The following PRKN variants were observed in gnomAD, a reference collection of about 807,000 sequenced individuals.
PRKN encodes the protein E3 ubiquitin-protein ligase parkin.
PRKN carries 56 observed loss-of-function variants against 59.5 expected under a neutral mutation model. The observed-to-expected ratio is 0.94, with a 90% CI of 0.76 to 1.18. The LOEUF is 1.18. Among genes scored for constraint, PRKN ranks in the 50% most tolerant of loss-of-function variants. PRKN has a pLI of 0.00. For missense variants in PRKN, 657 were observed against 596.4 expected, an observed-to-expected ratio of 1.10 and a Z score of -1.06; for synonymous variants, 250 against 222.1, an observed-to-expected ratio of 1.13 and a Z score of -1.12.
At chr6:162,095,870 T>C (rs562293137) in intron 4 of PRKN, among the ~76,000 whole-genome samples, 11 of 152,174 alleles carry the variant, frequency 7.2e-5, no homozygotes, top group Non-Finnish European at 1.2e-4. Flanking sequence ...ATCTGTAAAA[T>C]AAGGACAGCG....
chr6:161,707,675 T>C (rs1288415217), intron 7 of PRKN, among the ~76,000 whole-genome samples: 1 of 152,128 alleles, frequency 6.6e-6, no homozygotes. Flanking sequence ...ATGCTTCAAC[T>C]ATATATTCAA....
At chr6:161,595,687 C>T (rs1004018013) in intron 7 of PRKN, among the ~76,000 whole-genome samples, 4 of 152,120 alleles carry the variant, frequency 2.6e-5, no homozygotes, top group African/African-American at 7.2e-5. Flanking sequence ...GTGAGGTCAG[C>T]CCAAATTCAC....
intron 1 of PRKN, among the ~76,000 whole-genome samples, chr6:162,663,749 C>G (rs1778987859): frequency 6.6e-6 from 1 of 152,024 alleles, no homozygotes; most frequent in Admixed American, 6.6e-5. Flanking sequence ...AAACCAAAAA[C>G]AACTTCTATC....
In PRKN at chr6:161,353,194, A is replaced by C. The variant is rs9458230; in HGVS notation, c.1286-2983T>G. Among the ~76,000 whole-genome samples the C allele has an allele frequency of 6.9e-3, 1,049 of 152,200 alleles. 15 individuals are homozygous for C. The highest frequency in any genetic ancestry group is 0.024 in the African/African-American group (996 of 41,514). Reference sequence around the variant, plus strand: ...TCAGAAACAGGCGCCAGAAAAGAGAATCTCTCCCTCCGACCTTTCCTTGCC... The same window carrying C: ...TCAGAAACAGGCGCCAGAAAAGAGACTCTCTCCCTCCGACCTTTCCTTGCC... On this transcript the variant is annotated intron_variant, in intron 11 of 11. Coordinates refer to ENST00000366898, the MANE Select transcript of PRKN (RefSeq NM_004562.3). This position sits in a 1 kb window ranked among gnomAD's most constrained non-coding sequence, Gnocchi z 4.8.
chr6:161,704,490 C>T (rs562683270), intron 7 of PRKN, among the ~76,000 whole-genome samples: 8 of 152,272 alleles, frequency 5.3e-5, no homozygotes, highest in South Asian at 2.1e-4. Context: ...CTTTATCTCA[C>T]CCGCTGAATC....
intron 2 of PRKN, among the ~76,000 whole-genome samples, chr6:162,403,389 G>C (rs1283247243): frequency 6.6e-6 from 1 of 152,038 alleles, no homozygotes; most frequent in Non-Finnish European, 1.5e-5. Context: ...TGTCAAAGAG[G>C]TCGACCACTC....
At chr6:162,090,309 A>C (rs1196808624) in intron 4 of PRKN, among the ~76,000 whole-genome samples, 1 of 152,230 alleles carries the variant, frequency 6.6e-6, no homozygotes, top group Non-Finnish European at 1.5e-5. Flanking sequence ...CAAGTAACAT[A>C]TAGTTGGCCA....
rs1450441172 is a variant in PRKN, at chr6:162,050,707, C to T, written c.618+3384G>A. ...GGGACCATGACCTTTGAGGACATGA[C>T]TGGCTGTCTCTCCTGGAGAAGGGGC... On this transcript the variant is annotated intron_variant, in intron 5 of 11. Coordinates refer to ENST00000366898, the MANE Select transcript of PRKN (RefSeq NM_004562.3). Among the ~76,000 whole-genome samples the T allele has an allele frequency of 2.0e-5, 3 of 152,096 alleles. No individual in the cohort carries two copies. In the East Asian group the frequency reaches 5.8e-4, roughly 29 times the overall value.
intron 4 of PRKN, among the ~76,000 whole-genome samples, chr6:162,146,550 G>A (rs1181804607): frequency 6.6e-6 from 1 of 151,174 alleles, no homozygotes; most frequent in Admixed American, 6.6e-5. Context: ...AGTCACGCAA[G>A]CAGGAATGCA....
intron 1 of PRKN, among the ~76,000 whole-genome samples, chr6:162,640,757 G>T (rs564918717): frequency 6.6e-6 from 1 of 152,174 alleles, no homozygotes; most frequent in East Asian, 1.9e-4. Context: ...TTGTAAGGCT[G>T]TGCTTGACAA....
intron 1 of PRKN, among the ~76,000 whole-genome samples, chr6:162,509,576 C>T (rs953333627): frequency 6.6e-6 from 1 of 152,110 alleles, no homozygotes; most frequent in Non-Finnish European, 1.5e-5. Flanking sequence ...CACATCCATG[C>T]ATCTCAAATC....
chr6:161,712,319 T>A (rs1271679459), intron 7 of PRKN, among the ~76,000 whole-genome samples: 8 of 152,094 alleles, frequency 5.3e-5, no homozygotes, highest in Non-Finnish European at 2.9e-5. Context: ...AACAATGGGG[T>A]CAACTGGATG....
intron 3 of PRKN, among the ~76,000 whole-genome samples, chr6:162,249,437 C>G (rs976122158): frequency 2.0e-5 from 3 of 152,108 alleles, no homozygotes; most frequent in Non-Finnish European, 4.4e-5. Context: ...GGAAAACTGA[C>G]GAGACACGTA....
Position 162,617,985 on chromosome 6 carries a change from G to A in PRKN, c.7+109677C>T, listed in dbSNP as rs528707559. ...TTATTCTTCCCTAGGAACCTGAGGT[G>A]CAGAGATTTGAAGGAATTTTCCCAG... On this transcript the variant is annotated intron_variant, in intron 1 of 11. Coordinates refer to ENST00000366898, the MANE Select transcript of PRKN (RefSeq NM_004562.3). Among the ~76,000 whole-genome samples, 10 of 152,252 alleles carry A rather than the reference G, an allele frequency of 6.6e-5. No homozygotes were observed. In the South Asian group the frequency reaches 2.1e-3, roughly 32 times the overall value.
At chr6:162,655,722 C>T (rs1480743030) in intron 1 of PRKN, among the ~76,000 whole-genome samples, 1 of 152,138 alleles carries the variant, frequency 6.6e-6, no homozygotes, top group Non-Finnish European at 1.5e-5. Context: ...ATGAGAGCCA[C>T]ACTTGGGTCA....
chr6:161,375,132 G>A (rs1050659999), intron 10 of PRKN, among the ~76,000 whole-genome samples: 6 of 152,072 alleles, frequency 3.9e-5, no homozygotes, highest in African/African-American at 4.8e-5. Flanking sequence ...CAGGGGACCC[G>A]CAGGCCATGC....
chr6:162,070,433 G>A (rs927515169), intron 4 of PRKN, among the ~76,000 whole-genome samples: 9 of 152,082 alleles, frequency 5.9e-5, no homozygotes, highest in African/African-American at 1.9e-4. Context: ...CTCTATGTGG[G>A]GTCAGCTCGG....
chr6:162,724,300 T>C (rs762391842), intron 1 of PRKN, among the ~76,000 whole-genome samples: 1 of 152,256 alleles, frequency 6.6e-6, no homozygotes. Flanking sequence ...CGACTTCAAT[T>C]AAATTATGTT....
At chr6:162,366,671 C>T (rs568894704) in intron 2 of PRKN, among the ~76,000 whole-genome samples, 2 of 151,900 alleles carry the variant, frequency 1.3e-5, no homozygotes, top group Non-Finnish European at 2.9e-5. Context: ...TTTGGGAGGC[C>T]GAGGTGGGTG....
Sources: gnomAD v4.1 joint callset for allele counts (sites outside exome capture counted in the v4.1 genomes callset) on GRCh38, gnomAD v4.1.1 for gene constraint, Gnocchi (gnomAD v3.1) non-coding constraint, MANE v1.5 for transcripts, NCBI Gene and HGNC (gene_info 2026-07-23, HGNC 2026-07-21) for gene names.